COPA: variants seen among roughly 807,000 people sequenced by gnomAD.
COPA encodes the protein coatomer subunit alpha.
COPA carries 10 observed loss-of-function variants against 158.7 expected under a neutral mutation model. The ratio of observed to expected loss-of-function variants is 0.06; its 90% CI spans 0.04 to 0.11. The LOEUF (loss-of-function observed/expected upper bound fraction) is 0.11. Ranked by LOEUF, COPA falls within the 10% of genes least tolerant of loss-of-function variation. The pLI, the probability that COPA is intolerant of heterozygous loss-of-function variation, is 1.00. For missense variants in COPA, 1,065 were observed against 1,536.7 expected, an observed-to-expected ratio of 0.69 and a Z score of 5.13; for synonymous variants, 462 against 542.8, an observed-to-expected ratio of 0.85 and a Z score of 2.07.
Position 160,292,512 on chromosome 1 carries a change from A to T in COPA, c.2932T>A (p.Ser978Thr). 1 of 1,613,678 alleles carries T rather than the reference A, an allele frequency of 6.2e-7. No homozygotes were observed. ...TTYQALPCLP[S>T]MYGYPNRNWK... is the part of the protein sequence containing the mutation. ...TTGCGATTAGGATAGCCATACATGG[A>T]GGGTAGGCAGGGCAGAGCCTGATAG... The change falls in exon 28 of 33, where the codon TCC (serine) becomes ACC (threonine). Residue 978 changes from serine (S) to threonine (T), a missense_variant. Ser to Thr is a moderately conservative substitution (Grantham distance 58). Coordinates refer to ENST00000241704, the MANE Select transcript of COPA (RefSeq NM_004371.4).
intron 7 of COPA, 29 bp from the exon 8 acceptor site, chr1:160,323,559 A>T (rs779335245): frequency 6.4e-7 from 1 of 1,550,826 alleles, no homozygotes; most frequent in Admixed American, 1.8e-5. Flanking sequence ...CTTCTAAAAC[A>T]TCTTTATAGT....
At chr1:160,333,759 G>T (rs1647641391) in intron 4 of COPA, 80 bp from the exon 5 acceptor site, 2 of 1,118,314 alleles carry the variant, frequency 1.8e-6, no homozygotes, top group South Asian at 1.4e-5. Context: ...TTTCTCTAAA[G>T]AACTGCATTG....
At chr1:160,312,913 G>A (rs72706674) in intron 10 of COPA, among the ~76,000 whole-genome samples, 172 bp downstream of exon 10, 3,277 of 151,904 alleles carry the variant, frequency 0.022, 64 homozygotes, top group Middle Eastern at 0.037. Flanking sequence ...ATCATTTTAC[G>A]TACATATAAA....
Position 160,297,563 on chromosome 1 carries a change from C to T in COPA, c.2160G>A (p.Met720Ile). 1.2e-6 allele frequency: 2 copies of T among 1,613,952 alleles called. No homozygotes were observed. The highest frequency in any genetic ancestry group is 3.3e-5 in the Admixed American group (2 of 60,010). Reference protein sequence around the residue: ...TGNLEKLRKMMKIAEIRKDMS... With the variant: ...TGNLEKLRKMIKIAEIRKDMS... ...TTAGTTTGAGGGCCTCACCAATCTTCATCATCTTGCGAAGTTTTTCTAAGT... is the reference window on the plus strand; with the variant it reads ...TTAGTTTGAGGGCCTCACCAATCTTTATCATCTTGCGAAGTTTTTCTAAGT... Residue 720 changes from methionine (M) to isoleucine (I), a missense_variant, in exon 20 of 33, where the codon ATG (methionine) becomes ATA (isoleucine). Transcript: ENST00000241704.
intron 17 of COPA, among the ~76,000 whole-genome samples, chr1:160,301,351 G>A (rs979763629): frequency 2.6e-5 from 4 of 152,012 alleles, no homozygotes; most frequent in African/African-American, 9.7e-5. Flanking sequence ...TTTTGGATGT[G>A]GGATGTTCAA....
At chr1:160,306,043 T>G in intron 15 of COPA, 1 of 572,464 alleles carries the variant, frequency 1.7e-6, no homozygotes, top group South Asian at 2.2e-5. Context: ...ACCACTGGAC[T>G]GCAAGCTCCC....
At chr1:160,324,178 A>G (rs1016414538) in intron 7 of COPA, among the ~76,000 whole-genome samples, 2 of 151,768 alleles carry the variant, frequency 1.3e-5, no homozygotes, top group Non-Finnish European at 2.9e-5. Context: ...TTTATAACTT[A>G]ATGCAGAAAT....
chr1:160,330,971 C>T (rs1035902564), intron 6 of COPA, among the ~76,000 whole-genome samples: 17 of 151,532 alleles, frequency 1.1e-4, no homozygotes, highest in East Asian at 1.9e-4. Flanking sequence ...ATCAGGAGCT[C>T]GAGACCAGCC....
chr1:160,325,748 AG>A, intron 6 of COPA, 96 bp from the exon 7 acceptor site: 6 of 885,176 alleles, frequency 6.8e-6, no homozygotes, highest in Non-Finnish European at 1.1e-5. Flanking sequence ...GAAAAAGAAA[AG>A]AAAAAGAAAT....
chr1:160,313,274 CAG>C, intron 9 of COPA, 107 bp from the exon 10 acceptor site: 2 of 976,900 alleles, frequency 2.0e-6, no homozygotes, highest in Non-Finnish European at 3.1e-6. Flanking sequence ...AAATGTAAAT[CAG>C]GGAGAGTAAA....
chr1:160,329,900 G>A (rs1247274580), intron 6 of COPA, among the ~76,000 whole-genome samples: 1 of 152,156 alleles, frequency 6.6e-6, no homozygotes, highest in Non-Finnish European at 1.5e-5. Context: ...ATCACTTGAG[G>A]TCAGGAGTTC....
intron 19 of COPA, 54 bp from the exon 20 acceptor site, chr1:160,297,799 C>A (rs1346413168): frequency 6.4e-7 from 1 of 1,562,142 alleles, no homozygotes; most frequent in African/African-American, 1.4e-5. Context: ...TGACTCAAAA[C>A]CAAGGACTCT....
chr1:160,327,907 T>C (rs941752960), intron 6 of COPA, among the ~76,000 whole-genome samples: 9 of 152,210 alleles, frequency 5.9e-5, no homozygotes, highest in African/African-American at 2.2e-4. Flanking sequence ...CTTTGCCATC[T>C]GTAGGAAAAT....
Position 160,298,964 on chromosome 1 carries a change from G to A in COPA, c.1858C>T (p.Leu620=). 6.2e-7 allele frequency: 1 copy of A among 1,614,098 alleles called. No individual in the cohort carries two copies. The stretch of plus-strand genomic sequence containing the variant: ...TAAGCAATAATAGACTGGCCAACTA[G>A]TTTGGCATTCCTCACCATGTGCAGT... ...EVLHMVRNAK[L]VGQSIIAYLQ... is the part of the protein sequence containing the mutation. The change falls in exon 19 of 33, where the codon CTA becomes TTA. Residue 620 remains leucine, a synonymous_variant. Transcript: ENST00000241704.
chr1:160,290,275 A>C (rs1658181499), intron 32 of COPA, 59 bp from the exon 33 acceptor site: 2 of 1,593,330 alleles, frequency 1.3e-6, no homozygotes, highest in Non-Finnish European at 1.7e-6. Context: ...AACCCTAGAA[A>C]ATGTATTCCC....
At chr1:160,301,089 G>A (rs971716199) in intron 17 of COPA, among the ~76,000 whole-genome samples, 1 of 152,154 alleles carries the variant, frequency 6.6e-6, no homozygotes, top group African/African-American at 2.4e-5. Flanking sequence ...CCCGGGAGGT[G>A]GAGGTTGCAG....
chr1:160,308,990 A>G (rs1658878932), intron 13 of COPA, 111 bp downstream of exon 13: 1 of 809,700 alleles, frequency 1.2e-6, no homozygotes, highest in Middle Eastern at 2.3e-4. Flanking sequence ...GCCAACAGAC[A>G]TGAGTGATGT....
At position 160,293,388 on chromosome 1, in the gene COPA, G is replaced by C. The variant is rs760264532; in HGVS notation, c.2752C>G (p.Gln918Glu). The change falls in exon 26 of 33, where the codon CAG (glutamine) becomes GAG (glutamate). Residue 918 changes from glutamine (Q) to glutamate (E), a missense_variant and splice_region_variant. Around this residue, in one of 2 missense-constraint regions of COPA, gnomAD observed 980 missense variants for 1,357.8 expected, o/e 0.72. Coordinates refer to ENST00000241704, the MANE Select transcript of COPA (RefSeq NM_004371.4). ...VPPTKGTSPT[Q>E]IWCNNSQLPV... is the part of the protein sequence containing the mutation. ...GTGCTAGGTTTCTTCCCGCTTACCT[G>C]AGTTGGACTTGTTCCCTTGGTTGGG... The C allele has an allele frequency of 6.2e-7, 1 of 1,613,582 alleles. No homozygotes were observed. The highest frequency in any genetic ancestry group is 8.5e-7 in the Non-Finnish European group (1 of 1,179,798).
chr1:160,309,303 C>A, intron 12 of COPA, 127 bp from the exon 13 acceptor site: 1 of 714,954 alleles, frequency 1.4e-6, no homozygotes, highest in East Asian at 2.7e-5. Flanking sequence ...CTTTTCTTAC[C>A]CTTCACCCAG....
Sources: allele counts gnomAD v4.1 joint callset (sites outside exome capture counted in the v4.1 genomes callset), GRCh38; gene constraint gnomAD v4.1.1; regional missense constraint gnomAD v4.1.1; transcripts MANE v1.5; gene names NCBI Gene and HGNC (gene_info 2026-07-23, HGNC 2026-07-21).